The following C1orf21 variants were observed in gnomAD, a reference collection of about 807,000 sequenced individuals.
The protein encoded by C1orf21 is chromosome 1 open reading frame 21.
C1orf21 carries 3 observed loss-of-function variants against 18.7 expected under a neutral mutation model. The ratio of observed to expected loss-of-function variants is 0.16; its 90% CI spans 0.07 to 0.42. The LOEUF (loss-of-function observed/expected upper bound fraction) is 0.42, where lower values mean the gene tolerates loss of function less well. C1orf21 is among the 10% of genes least tolerant of loss of function. The probability of loss-of-function intolerance (pLI) is 0.99; values close to 1 mark genes in which losing one functional copy is unlikely to be tolerated. For missense variants in C1orf21, 104 were observed against 143.6 expected, an observed-to-expected ratio of 0.72 and a Z score of 1.41; for synonymous variants, 41 against 46.4, an observed-to-expected ratio of 0.88 and a Z score of 0.47.
intron 3 of C1orf21, among the ~76,000 whole-genome samples, chr1:184,529,287 A>G (rs1017137298): frequency 6.6e-6 from 1 of 152,146 alleles, no homozygotes; most frequent in South Asian, 2.1e-4. Flanking sequence ...CCTGTGCTTC[A>G]TGTTTTGAAT....
intron 1 of C1orf21, among the ~76,000 whole-genome samples, chr1:184,456,551 C>CA (rs1343176016): frequency 2.0e-5 from 3 of 152,166 alleles, no homozygotes; most frequent in Non-Finnish European, 2.9e-5. Flanking sequence ...ACGGTAAAGA[C>CA]AGTTCCACTG....
intron 1 of C1orf21, among the ~76,000 whole-genome samples, chr1:184,401,173 T>G (rs558566876): frequency 1.3e-5 from 2 of 152,306 alleles, no homozygotes; most frequent in South Asian, 2.1e-4. Flanking sequence ...CATATTTTTT[T>G]GCCCATTTTT....
At chr1:184,407,214 A>G (rs973180573) in intron 1 of C1orf21, among the ~76,000 whole-genome samples, 3 of 152,146 alleles carry the variant, frequency 2.0e-5, no homozygotes, top group Non-Finnish European at 4.4e-5. Context: ...GTCTCAAGCA[A>G]TCTTCTCACT....
intron 2 of C1orf21, among the ~76,000 whole-genome samples, chr1:184,482,524 A>G (rs1473826279): frequency 6.6e-6 from 1 of 152,242 alleles, no homozygotes; most frequent in Non-Finnish European, 1.5e-5. Flanking sequence ...TGACTCCATG[A>G]CTGGGATATA....
rs960347383 is a variant in C1orf21, at chr1:184,626,469, G to A, written c.*6913G>A. 6.5e-6 allele frequency: 1 copy of A among 152,774 alleles called. No individual in the cohort carries two copies. Among genetic ancestry groups the A allele is most frequent in the African/African-American group, 2.4e-5 (1 of 41,466 alleles). 9.5% of individuals were successfully genotyped at this position (152,774 alleles called of 1,614,324 possible). On this transcript the variant is annotated 3_prime_UTR_variant, in exon 6 of 6. Transcript: ENST00000235307. The stretch of plus-strand genomic sequence containing the variant: ...AGAGGCTGGAGCTTGGACTTGTAGA[G>A]GGAGAGAGAAGAGCAAGGGACGTGG...
intron 1 of C1orf21, among the ~76,000 whole-genome samples, chr1:184,439,354 C>G (rs561606161): frequency 6.6e-6 from 1 of 151,692 alleles, no homozygotes; most frequent in South Asian, 2.1e-4. Context: ...AGGTTACTTA[C>G]TCTCTTGAGA....
chr1:184,501,651 C>T (rs769412933), intron 2 of C1orf21, among the ~76,000 whole-genome samples: 20 of 152,182 alleles, frequency 1.3e-4, no homozygotes, highest in Admixed American at 1.3e-3. Context: ...GTCTCTGGCA[C>T]ACAGTAGGTG....
chr1:184,507,468 C>A, intron 2 of C1orf21, 120 bp from the exon 3 acceptor site: 1 of 749,604 alleles, frequency 1.3e-6, no homozygotes. Context: ...CCAAATGAAC[C>A]ACATATGAAG....
At chr1:184,578,151 T>G (rs930224855) in intron 3 of C1orf21, among the ~76,000 whole-genome samples, 1 of 151,582 alleles carries the variant, frequency 6.6e-6, no homozygotes, top group Non-Finnish European at 1.5e-5. Context: ...AGAGGTAGGG[T>G]TTCACTGCGT....
chr1:184,539,909 T>C (rs1658621052), intron 3 of C1orf21: 1 of 152,224 alleles, frequency 6.6e-6, no homozygotes, highest in Non-Finnish European at 1.5e-5. Context: ...AGATTTCTGA[T>C]CTCTTTCAAT....
intron 1 of C1orf21, among the ~76,000 whole-genome samples, chr1:184,418,021 G>A (rs1557967166): frequency 6.6e-6 from 1 of 152,144 alleles, no homozygotes; most frequent in Non-Finnish European, 1.5e-5. Flanking sequence ...TCCCACCCTT[G>A]CCTAACCACA....
intron 1 of C1orf21, among the ~76,000 whole-genome samples, chr1:184,441,162 A>G (rs900757883): frequency 6.6e-6 from 1 of 152,260 alleles, no homozygotes; most frequent in South Asian, 2.1e-4. Flanking sequence ...TTTTACCTCT[A>G]TACAGCTTCC....
At chr1:184,568,871 A>G (rs1469146075) in intron 3 of C1orf21, among the ~76,000 whole-genome samples, 1 of 152,174 alleles carries the variant, frequency 6.6e-6, no homozygotes, top group Non-Finnish European at 1.5e-5. Context: ...ATGTTACTGA[A>G]CCGTGTAGCA....
intron 1 of C1orf21, among the ~76,000 whole-genome samples, chr1:184,422,093 G>T (rs748504883): frequency 6.6e-6 from 1 of 152,190 alleles, no homozygotes; most frequent in Non-Finnish European, 1.5e-5. Flanking sequence ...GATGGCTTTG[G>T]CTGATGGATA....
At chr1:184,565,879 A>G (rs1659028795) in intron 3 of C1orf21, among the ~76,000 whole-genome samples, 1 of 152,212 alleles carries the variant, frequency 6.6e-6, no homozygotes, top group South Asian at 2.1e-4. Flanking sequence ...TAAATCTACA[A>G]GTAAATATTT....
intron 3 of C1orf21, among the ~76,000 whole-genome samples, chr1:184,553,143 G>C (rs957723271): frequency 2.0e-5 from 3 of 152,188 alleles, no homozygotes; most frequent in South Asian, 2.1e-4. Context: ...GGTACGACTT[G>C]TCACAGACAC....
intron 1 of C1orf21, among the ~76,000 whole-genome samples, chr1:184,403,337 C>T (rs1656194389): frequency 6.6e-6 from 1 of 152,236 alleles, no homozygotes; most frequent in Non-Finnish European, 1.5e-5. Flanking sequence ...AAATAGAAGA[C>T]TAATACAATA....
Position 184,625,857 on chromosome 1 carries a change from A to T in C1orf21, c.*6301A>T, listed in dbSNP as rs1161410823. On this transcript the variant is annotated 3_prime_UTR_variant, in exon 6 of 6. Transcript: ENST00000235307. ...GCTGCTAGCCGGGGTGTTGTGGCTG[A>T]CATCCTTTCCTGGCCTTACACACAT... is the stretch of plus-strand genomic sequence containing the variant. 6.6e-6 allele frequency: 1 copy of T among 152,202 alleles called. No individual in the cohort carries two copies. Among genetic ancestry groups the T allele is most frequent in the East Asian group, 1.9e-4 (1 of 5,174 alleles). 9.4% of individuals were successfully genotyped at this position (152,202 alleles called of 1,614,324 possible). A position where few individuals can be genotyped will look rare whatever the true frequency, so the allele number is the denominator to read the frequency against.
intron 3 of C1orf21, among the ~76,000 whole-genome samples, chr1:184,531,042 C>T (rs919959546): frequency 3.3e-5 from 5 of 152,090 alleles, no homozygotes; most frequent in African/African-American, 4.8e-5. Flanking sequence ...GTTTTTACAG[C>T]GGGAAAAACT....
Sources: allele counts gnomAD v4.1 joint callset (sites outside exome capture counted in the v4.1 genomes callset), GRCh38; gene constraint gnomAD v4.1.1; transcripts MANE v1.5; gene names NCBI Gene and HGNC (gene_info 2026-07-23, HGNC 2026-07-21).